Variants in DMD observed in about 807,000 individuals in gnomAD.
The protein encoded by DMD is dystrophin, also known as mutant dystrophin.
In DMD, 63 loss-of-function variants were observed where a neutral mutation model predicts 330.1. The ratio of observed to expected loss-of-function variants is 0.19; its 90% CI spans 0.16 to 0.24. The LOEUF is 0.24. DMD is among the 10% of genes least tolerant of loss of function. The pLI is 1.00. For missense variants in DMD, 3,344 were observed against 2,684.1 expected (o/e 1.25, Z -5.43); for synonymous variants, 1,223 against 959.8 (o/e 1.27, Z -5.07).
At position 31,951,176 on chromosome X, in the gene DMD, T is replaced by TATATATATATATATATAC. The variant is rs1491274951; in HGVS notation, c.6614+17162_6614+17163insGTATATATATATATATAT. Among the ~76,000 whole-genome samples, 16 of 89,065 alleles carry TATATATATATATATATAC rather than the reference T, an allele frequency of 1.8e-4. 1 individual carries two copies. Among genetic ancestry groups the TATATATATATATATATAC allele is most frequent in the African/African-American group, 6.6e-4 (16 of 24,421 alleles). 77.3% of individuals were successfully genotyped at this position (89,065 alleles called of 115,157 possible). A position where few individuals can be genotyped will look rare whatever the true frequency, so the allele number is the denominator to read the frequency against. ...ATATATATGTATATATATATATATG[T>TATATATATATATATATAC]ATATATATATATCTTAATAGATATC... On this transcript the variant is annotated intron_variant, in intron 45 of 78. Transcript: ENST00000357033.
chrX:32,421,537 G>T (rs769870731), intron 29 of DMD, among the ~76,000 whole-genome samples: 2 of 111,647 alleles, frequency 1.8e-5, no homozygotes, highest in African/African-American at 6.5e-5. Flanking sequence ...ATGAGCATAG[G>T]GAACAGATAA....
At chrX:32,000,203 G>A (rs781168758) in intron 44 of DMD, among the ~76,000 whole-genome samples, 7 of 111,656 alleles carry the variant, frequency 6.3e-5, no homozygotes, top group East Asian at 2.8e-4. Flanking sequence ...GATGCATGAC[G>A]GATAAACTAT....
At chrX:32,788,614 C>T (rs2075585819) in intron 7 of DMD, among the ~76,000 whole-genome samples, 1 of 111,947 alleles carries the variant, frequency 8.9e-6, no homozygotes, top group African/African-American at 3.2e-5. Context: ...CTCCAAAGTT[C>T]ATTATGTCCT....
rs908967138 is a variant in DMD at position 32,616,949 on chromosome X, C to CT, written c.1332-2497dup. On this transcript the variant is annotated intron_variant, in intron 11 of 78. Coordinates refer to ENST00000357033, the MANE Select transcript of DMD (RefSeq NM_004006.3). The stretch of plus-strand genomic sequence containing the variant: ...CCTTATCTGTGAACTACCTCTTCAA[C>CT]TTTTTTTTGAACTACCTCTTCAACA... Among the ~76,000 whole-genome samples, 14 of 109,216 alleles carry CT rather than the reference C, an allele frequency of 1.3e-4. No individual in the cohort carries two copies. The East Asian group carries it at 1.4e-3, about 11-fold the overall frequency. 94.8% of individuals were successfully genotyped at this position (109,216 alleles called of 115,157 possible).
rs751029751 is a variant in DMD, at chrX:32,304,920, G to A, written c.6117+5162C>T. 4.5e-5 allele frequency among the ~76,000 whole-genome samples: 5 copies of A among 111,017 alleles called. No homozygotes were observed. The South Asian group carries it at 1.1e-3, about 25-fold the overall frequency. On this transcript the variant is annotated intron_variant, in intron 42 of 78. Transcript: ENST00000357033. ...ATTAAACTATTAGAAAATTCAACTC[G>A]AATTCAAAAAGCATTTGCAAACAAA...
intron 2 of DMD, among the ~76,000 whole-genome samples, chrX:32,991,467 G>A (rs1399796269): frequency 9.0e-6 from 1 of 111,720 alleles, no homozygotes; most frequent in Non-Finnish European, 1.9e-5. Flanking sequence ...TAACACGATG[G>A]CCACTAAAAC....
chrX:32,532,861 C>T (rs1191117553), intron 17 of DMD, among the ~76,000 whole-genome samples: 1 of 111,671 alleles, frequency 9.0e-6, no homozygotes, highest in East Asian at 2.8e-4. Context: ...CAAAAATCAA[C>T]AGCAAAATAG....
At chrX:32,252,793 A>AATATATAT (rs1359167838) in intron 43 of DMD, among the ~76,000 whole-genome samples, 1 of 43,975 alleles carries the variant, frequency 2.3e-5, no homozygotes. Flanking sequence ...AATATATATA[A>AATATATAT]ATATATATAT....
chrX:32,237,399 T>C (rs1477869690), intron 43 of DMD, among the ~76,000 whole-genome samples: 1 of 111,033 alleles, frequency 9.0e-6, no homozygotes, highest in Non-Finnish European at 1.9e-5. Flanking sequence ...CACTATTTTC[T>C]TCTCCAATCT....
chrX:31,667,396 T>G (rs2081490069), intron 53 of DMD, among the ~76,000 whole-genome samples: 1 of 111,419 alleles, frequency 9.0e-6, no homozygotes, highest in African/African-American at 3.3e-5. Context: ...AACATCTGTA[T>G]AAAGGTTTTC....
intron 51 of DMD, among the ~76,000 whole-genome samples, chrX:31,747,245 G>A (rs1022190646): frequency 3.6e-5 from 4 of 111,512 alleles, no homozygotes; most frequent in African/African-American, 1.3e-4. Context: ...GCTGTTGTAA[G>A]AGCAAATTTC....
Position 32,346,089 on chromosome X carries a change from AAAC to A in DMD, c.5449-12_5449-10del, listed in dbSNP as rs745728411. On this transcript the variant is annotated splice_polypyrimidine_tract_variant and intron_variant, in intron 38 of 78. Transcript: ENST00000357033. ...CCCTCATTGTCTTCATTCTGATCAA[AAAC>A]AACAAGTACAGTCTTCATTTTGGTT... 1.8e-4 allele frequency: 217 copies of A among 1,207,286 alleles called. 1 individual carries two copies. The highest frequency in any genetic ancestry group is 4.8e-4 in the East Asian group (16 of 33,620).
intron 52 of DMD, among the ~76,000 whole-genome samples, chrX:31,685,509 T>C (rs998978730): frequency 2.7e-5 from 3 of 112,447 alleles, no homozygotes; most frequent in Non-Finnish European, 3.8e-5. Flanking sequence ...TTGTTAAGAT[T>C]TTAAAACTTG....
intron 34 of DMD, among the ~76,000 whole-genome samples, chrX:32,371,994 C>T (rs1256816436): frequency 9.0e-6 from 1 of 111,228 alleles, no homozygotes; most frequent in East Asian, 2.8e-4. Context: ...TTTAAAATTA[C>T]TAGAAAATAA....
intron 7 of DMD, among the ~76,000 whole-genome samples, chrX:32,700,751 A>T (rs976344388): frequency 2.7e-5 from 3 of 111,492 alleles, no homozygotes; most frequent in African/African-American, 9.7e-5. Flanking sequence ...AGGTCAAGGT[A>T]ATGTGGCAAT....
intron 1 of DMD, among the ~76,000 whole-genome samples, chrX:33,226,739 G>C (rs1010232585): frequency 1.8e-5 from 2 of 110,338 alleles, no homozygotes; most frequent in Non-Finnish European, 3.8e-5. Flanking sequence ...TGGCACACAG[G>C]ATCTTTCTGT....
At chrX:32,908,506 C>A (rs1021397872) in intron 2 of DMD, among the ~76,000 whole-genome samples, 1 of 111,938 alleles carries the variant, frequency 8.9e-6, no homozygotes, top group Non-Finnish European at 1.9e-5. Context: ...CAAAAACAAC[C>A]TTTCAGCATT....
intron 64 of DMD, 128 bp from the exon 65 acceptor site, chrX:31,209,827 C>T: frequency 1.6e-6 from 1 of 629,364 alleles, no homozygotes. Flanking sequence ...GTGAACCACA[C>T]TCTCTTTGAA....
chrX:32,960,660 C>A (rs56999370), intron 2 of DMD, among the ~76,000 whole-genome samples: 3 of 111,208 alleles, frequency 2.7e-5, no homozygotes, highest in Non-Finnish European at 5.7e-5. Context: ...CACCTCTACA[C>A]AAATCAAAGT....
Sources: gnomAD v4.1 joint callset for allele counts (sites outside exome capture counted in the v4.1 genomes callset) on GRCh38, gnomAD v4.1.1 for gene constraint, MANE v1.5 for transcripts, NCBI Gene and HGNC (gene_info 2026-07-23, HGNC 2026-07-21) for gene names.